CSMD1: variants seen among roughly 807,000 people sequenced by gnomAD.
The protein encoded by CSMD1 is CUB and Sushi multiple domains 1.
Under a neutral mutation model 417.5 loss-of-function variants are expected in CSMD1, and 213 were observed. That is an observed-to-expected ratio of 0.51 (90% CI 0.46 to 0.57). CSMD1 has a LOEUF of 0.57. Among genes scored for constraint, CSMD1 ranks in the 20% least tolerant of loss-of-function variants. The pLI, the probability that CSMD1 is intolerant of heterozygous loss-of-function variation, is 0.00. For missense variants in CSMD1, 6,923 were observed against 4,529.7 expected (o/e 1.53, Z -15.17); for synonymous variants, 2,862 against 1,736.8 (o/e 1.65, Z -16.11).
At chr8:4,744,747 G>T (rs1007267337) in intron 1 of CSMD1, among the ~76,000 whole-genome samples, 1 of 152,066 alleles carries the variant, frequency 6.6e-6, no homozygotes, top group Non-Finnish European at 1.5e-5. Flanking sequence ...ATTAGTGTAT[G>T]AAGCTAGGGT....
At chr8:3,588,673 C>CA (rs1462270233) in intron 8 of CSMD1, among the ~76,000 whole-genome samples, 2 of 151,912 alleles carry the variant, frequency 1.3e-5, no homozygotes, top group African/African-American at 4.8e-5. Flanking sequence ...TTGAGAAAAA[C>CA]AATCAATAAG....
intron 3 of CSMD1, among the ~76,000 whole-genome samples, chr8:4,358,591 G>C (rs973074007): frequency 6.6e-6 from 1 of 152,140 alleles, no homozygotes; most frequent in Non-Finnish European, 1.5e-5. Flanking sequence ...AAGAAAAAGT[G>C]TGCTGAAAGT....
chr8:3,997,070 T>C (rs1289352088), intron 5 of CSMD1, among the ~76,000 whole-genome samples: 2 of 152,314 alleles, frequency 1.3e-5, no homozygotes, highest in Non-Finnish European at 2.9e-5. Flanking sequence ...AACATACCCA[T>C]TCTTGTTTAG....
intron 7 of CSMD1, among the ~76,000 whole-genome samples, chr8:3,677,396 A>G (rs2117579924): frequency 6.6e-6 from 1 of 152,296 alleles, no homozygotes; most frequent in African/African-American, 2.4e-5. Flanking sequence ...AAACATACCC[A>G]GTTCAAGGCC....
intron 26 of CSMD1, among the ~76,000 whole-genome samples, chr8:3,269,501 G>A (rs1029278327): frequency 6.6e-6 from 1 of 152,186 alleles, no homozygotes; most frequent in Non-Finnish European, 1.5e-5. Context: ...AAATGAAAAT[G>A]CACCTATTAA....
Position 4,341,940 on chromosome 8 carries a change from C to T in CSMD1, c.415+78013G>A, listed in dbSNP as rs952535223. Among the ~76,000 whole-genome samples, 3 of 152,014 alleles carry T rather than the reference C, an allele frequency of 2.0e-5. No homozygotes were observed. In the East Asian group the frequency reaches 5.8e-4, roughly 29 times the overall value. ...CTTAGAATTAGTACTATGCTTTGTC[C>T]AATGGACTGACACATATTACCCTGG... is the stretch of plus-strand genomic sequence containing the variant. On this transcript the variant is annotated intron_variant, in intron 3 of 69. Coordinates refer to ENST00000635120, the MANE Select transcript of CSMD1 (RefSeq NM_033225.6).
intron 6 of CSMD1, among the ~76,000 whole-genome samples, chr8:3,723,963 T>TTTGC (rs1385380424): frequency 8.8e-6 from 1 of 113,972 alleles, no homozygotes; most frequent in Non-Finnish European, 2.4e-5. Flanking sequence ...TTGTTAAGTT[T>TTTGC]AATGTTGTGT....
intron 5 of CSMD1, among the ~76,000 whole-genome samples, chr8:3,934,372 C>T (rs1262479536): frequency 6.6e-6 from 1 of 152,148 alleles, no homozygotes; most frequent in Non-Finnish European, 1.5e-5. Context: ...TTTAGTCTTG[C>T]ACTGATTTTT....
chr8:3,865,859 TTATAG>T (rs1805060868), intron 5 of CSMD1, among the ~76,000 whole-genome samples: 1 of 152,172 alleles, frequency 6.6e-6, no homozygotes, highest in Admixed American at 6.5e-5. Flanking sequence ...GAAACACGTG[TTATAG>T]TATACTAGAA....
intron 5 of CSMD1, among the ~76,000 whole-genome samples, chr8:3,825,137 G>T (rs942013042): frequency 2.6e-5 from 4 of 152,064 alleles, no homozygotes; most frequent in Admixed American, 6.6e-5. Context: ...GAAGCACAGG[G>T]GAGATTTCTC....
chr8:4,062,475 A>G (rs1004282804), intron 3 of CSMD1, among the ~76,000 whole-genome samples: 2 of 152,168 alleles, frequency 1.3e-5, no homozygotes, highest in African/African-American at 4.8e-5. Context: ...AATCAAATGC[A>G]CTACAAATAA....
intron 2 of CSMD1, among the ~76,000 whole-genome samples, chr8:4,476,842 C>A (rs772414606): frequency 6.6e-6 from 1 of 152,020 alleles, no homozygotes; most frequent in African/African-American, 2.4e-5. Context: ...GGATTCCTTA[C>A]GAAAAAAGCT....
In CSMD1 at chr8:4,452,431, G is replaced by A. The variant is rs1417060583; in HGVS notation, c.303-32366C>T. Among the ~76,000 whole-genome samples, 6 of 152,166 alleles carry A rather than the reference G, an allele frequency of 3.9e-5. No homozygotes were observed. In the East Asian group the frequency reaches 9.6e-4, roughly 24 times the overall value. Reference sequence around the variant, plus strand: ...TTCATGTTCTTACACGGTGATTCTTGACAAATAAGGCATTAATCCTGTCAG... The same window carrying A: ...TTCATGTTCTTACACGGTGATTCTTAACAAATAAGGCATTAATCCTGTCAG... On this transcript the variant is annotated intron_variant, in intron 2 of 69. Coordinates refer to ENST00000635120, the MANE Select transcript of CSMD1 (RefSeq NM_033225.6).
chr8:3,205,231 T>G (rs961981323), intron 31 of CSMD1, among the ~76,000 whole-genome samples: 1 of 152,188 alleles, frequency 6.6e-6, no homozygotes, highest in Admixed American at 6.5e-5. Flanking sequence ...AGAACTATGT[T>G]TGGGAAACCT....
intron 3 of CSMD1, among the ~76,000 whole-genome samples, chr8:4,157,686 C>A (rs2131080818): frequency 6.6e-6 from 1 of 152,326 alleles, no homozygotes; most frequent in South Asian, 2.1e-4. Flanking sequence ...CCCTCACGCC[C>A]AACCGGCCTT....
At chr8:3,869,101 C>G (rs756488928) in intron 5 of CSMD1, among the ~76,000 whole-genome samples, 3 of 152,184 alleles carry the variant, frequency 2.0e-5, no homozygotes, top group Non-Finnish European at 4.4e-5. Context: ...TGTCTAGTGT[C>G]ACTCTCCTTG....
intron 52 of CSMD1, among the ~76,000 whole-genome samples, chr8:3,007,400 A>G (rs947425350): frequency 6.6e-6 from 1 of 151,596 alleles, no homozygotes; most frequent in African/African-American, 2.4e-5. Context: ...ATACCATTTG[A>G]CCCAGCCATC....
chr8:4,293,826 T>C (rs1297594661), intron 3 of CSMD1, among the ~76,000 whole-genome samples: 1 of 152,242 alleles, frequency 6.6e-6, no homozygotes, highest in Non-Finnish European at 1.5e-5. Flanking sequence ...TAAGCCATTT[T>C]AACATTCAGT....
chr8:4,380,463 A>G (rs1055213104), intron 3 of CSMD1, among the ~76,000 whole-genome samples: 3 of 152,154 alleles, frequency 2.0e-5, no homozygotes, highest in African/African-American at 7.2e-5. Flanking sequence ...TCGGCCTCCA[A>G]TCTGTCGAGG....
Sources: gnomAD v4.1 joint callset for allele counts (sites outside exome capture counted in the v4.1 genomes callset) on GRCh38, gnomAD v4.1.1 for gene constraint, MANE v1.5 for transcripts, NCBI Gene and HGNC (gene_info 2026-07-23, HGNC 2026-07-21) for gene names.